The following ARPC4 variants were observed in gnomAD, a reference collection of about 807,000 sequenced individuals.
The protein encoded by ARPC4 is actin related protein 2/3 complex subunit 4, also known as actin-related protein 2/3 complex subunit 4.
In ARPC4, 3 loss-of-function variants were observed where a neutral mutation model predicts 22.8. That is an observed-to-expected ratio of 0.13 (90% CI 0.06 to 0.34). The LOEUF is 0.34. Among genes scored for constraint, ARPC4 ranks in the 10% least tolerant of loss-of-function variants. The pLI is 1.00. For synonymous variants in ARPC4, 80 were observed against 72.5 expected (o/e 1.10, Z -0.52); for missense variants, 98 against 211.0 (o/e 0.46, Z 3.32).
At chr3:9,793,848 A>G (rs2078815570) in intron 1 of ARPC4, among the ~76,000 whole-genome samples, 2 of 152,070 alleles carry the variant, frequency 1.3e-5, no homozygotes, top group African/African-American at 4.8e-5. Flanking sequence ...CCCTGGTGAT[A>G]CCGATCTAGT....
chr3:9,792,567 C>G, upstream of ARPC4: 1 of 1,228,722 alleles, frequency 8.1e-7, no homozygotes, highest in African/African-American at 1.6e-5. Flanking sequence ...GAAGGTGGGC[C>G]TCGAGCAAAG....
chr3:9,801,801 T>G, intron 4 of ARPC4, 45 bp downstream of exon 4: 1 of 1,529,760 alleles, frequency 6.5e-7, no homozygotes, highest in Non-Finnish European at 8.9e-7. Flanking sequence ...AGGACCCTGT[T>G]ACAGAATGGC....
chr3:9,795,844 C>G lies in ARPC4; in HGVS notation c.4-1815C>G, dbSNP rs554537331. On this transcript the variant is annotated intron_variant, in intron 1 of 5. Transcript: ENST00000397261. The stretch of plus-strand genomic sequence containing the variant: ...GGTGCAGTGGTTCATGTCTGTAATC[C>G]CAGCACTTTAGGAGGCCGAGATGGG... Among the ~76,000 whole-genome samples, 9 of 152,258 alleles carry G rather than the reference C, an allele frequency of 5.9e-5. No homozygotes were observed. The East Asian group carries it at 1.7e-3, about 29-fold the overall frequency.
chr3:9,792,579 C>T, upstream of ARPC4: 1 of 1,229,492 alleles, frequency 8.1e-7, no homozygotes, highest in Non-Finnish European at 1.0e-6. Flanking sequence ...CGAGCAAAGC[C>T]GCTAGAGGTG....
intron 1 of ARPC4, among the ~76,000 whole-genome samples, chr3:9,794,498 CAAAA>C (rs992651881): frequency 6.9e-6 from 1 of 145,888 alleles, no homozygotes; most frequent in Non-Finnish European, 1.5e-5. Flanking sequence ...GACTCCGTCT[CAAAA>C]AAAAAAGCGT....
At position 9,806,869 on chromosome 3, in the gene ARPC4, TA is replaced by T. The variant is rs912691225; in HGVS notation, c.*655del. On this transcript the variant is annotated 3_prime_UTR_variant, in exon 6 of 6. Transcript: ENST00000397261. ...GCCCAAAAGCCGGGCAACCTCTGGC[TA>T]CAGGGGCCATTGGGTGCCCTCCCAG... is the stretch of plus-strand genomic sequence containing the variant. 1.3e-5 allele frequency: 2 copies of T among 153,040 alleles called. No homozygotes were observed. The highest frequency in any genetic ancestry group is 4.8e-5 in the African/African-American group (2 of 41,470). The allele number at this position is 153,040 out of a possible 1,614,324, so 9.5% of individuals were successfully genotyped here. A position where few individuals can be genotyped will look rare whatever the true frequency, so the allele number is the denominator to read the frequency against.
At chr3:9,799,682 A>C (rs6772098) in intron 2 of ARPC4, among the ~76,000 whole-genome samples, 33,898 of 152,134 alleles carry the variant, frequency 0.22, 4,227 homozygotes, top group East Asian at 0.56. Context: ...ACCTCAGGTG[A>C]TCCACCAGCC....
rs1336534785 is a variant in ARPC4, at chr3:9,797,789, C to G, written c.122+12C>G. On this transcript the variant is annotated intron_variant, in intron 2 of 5. Transcript: ENST00000397261. ...GAAGTGGAAGTCAGGTAGGGAAGGA[C>G]AAGTCAAGGTGGGGATGAGGGGTGC... 2 of 1,612,326 alleles carry G rather than the reference C, an allele frequency of 1.2e-6. No homozygotes were observed. The highest frequency in any genetic ancestry group is 1.7e-6 in the Non-Finnish European group (2 of 1,179,376).
intron 5 of ARPC4, among the ~76,000 whole-genome samples, chr3:9,805,436 A>G (rs1001906509): frequency 1.3e-5 from 2 of 152,212 alleles, no homozygotes; most frequent in Non-Finnish European, 2.9e-5. Flanking sequence ...AGGGTCACAA[A>G]TTCAGGTGCA....
upstream of ARPC4, chr3:9,792,621 G>T: frequency 8.1e-7 from 1 of 1,230,316 alleles, no homozygotes; most frequent in Non-Finnish European, 1.0e-6. Context: ...GGCGAGCCCC[G>T]GGGCACAGCC....
chr3:9,803,458 G>A, intron 4 of ARPC4: 1 of 459,790 alleles, frequency 2.2e-6, no homozygotes, highest in Non-Finnish European at 4.4e-6. Context: ...CAGCCCTCCA[G>A]CAGAAAAAGA....
chr3:9,801,210 C>CAAAAAAA (rs1208916054), intron 3 of ARPC4, among the ~76,000 whole-genome samples: 1 of 12,176 alleles, frequency 8.2e-5, no homozygotes, highest in African/African-American at 2.6e-4. Flanking sequence ...GATTCCATCT[C>CAAAAAAA]AGAAAAAAAA....
upstream of ARPC4, chr3:9,792,609 C>T: frequency 4.9e-6 from 6 of 1,230,696 alleles, no homozygotes; most frequent in Non-Finnish European, 6.1e-6. Flanking sequence ...TGGTCGGCCT[C>T]AGGCGAGCCC....
At chr3:9,801,907 T>TAGA (rs1204272021) in intron 4 of ARPC4, 151 bp downstream of exon 4, 1 of 872,368 alleles carries the variant, frequency 1.1e-6, no homozygotes. Flanking sequence ...CAAAGAGGAT[T>TAGA]AGAAGCTTAG....
upstream of ARPC4, chr3:9,792,655 G>T (rs1305619719): frequency 1.6e-6 from 2 of 1,231,342 alleles, no homozygotes; most frequent in Middle Eastern, 3.1e-4. Flanking sequence ...GGAGCTTGGC[G>T]GCCGAGATCT....
At chr3:9,800,382 C>T (rs368579667) in intron 3 of ARPC4, 86 bp downstream of exon 3, 150 of 1,260,802 alleles carry the variant, frequency 1.2e-4, no homozygotes, top group South Asian at 1.1e-3. Context: ...TCTGAGAGAT[C>T]AGTGTGCCAG....
chr3:9,804,777 C>T (rs2079075690), intron 5 of ARPC4, among the ~76,000 whole-genome samples: 1 of 152,160 alleles, frequency 6.6e-6, no homozygotes. Flanking sequence ...GAAATTATAC[C>T]CGCTTCCCTT....
chr3:9,800,657 G>A (rs891770956), intron 3 of ARPC4, among the ~76,000 whole-genome samples: 2 of 151,972 alleles, frequency 1.3e-5, no homozygotes, highest in African/African-American at 2.4e-5. Context: ...TCTCCTGACC[G>A]CAGGTGATGG....
chr3:9,793,975 A>G (rs1239702039), intron 1 of ARPC4, among the ~76,000 whole-genome samples: 1 of 151,854 alleles, frequency 6.6e-6, no homozygotes, highest in African/African-American at 2.4e-5. Context: ...CTAGTTCAAA[A>G]CTCATATTCT....
Sources: allele counts gnomAD v4.1 joint callset (sites outside exome capture counted in the v4.1 genomes callset), GRCh38; gene constraint gnomAD v4.1.1; transcripts MANE v1.5; gene names NCBI Gene and HGNC (gene_info 2026-07-23, HGNC 2026-07-21).